The following VAMP1 variants were observed in gnomAD, a reference collection of about 807,000 sequenced individuals.
The protein encoded by VAMP1 is vesicle associated membrane protein 1.
Under a neutral mutation model 19.1 loss-of-function variants are expected in VAMP1, and 16 were observed. The ratio of observed to expected loss-of-function variants is 0.84; its 90% confidence interval spans 0.57 to 1.27. VAMP1 has a LOEUF of 1.27. Among genes scored for constraint, VAMP1 ranks in the 50% most tolerant of loss-of-function variants. The pLI, the probability that VAMP1 is intolerant of heterozygous loss-of-function variation, is 0.00. For missense variants in VAMP1, 109 were observed against 145.4 expected, an observed-to-expected ratio of 0.75 and a Z score of 1.29; for synonymous variants, 37 against 50.2, an observed-to-expected ratio of 0.74 and a Z score of 1.11.
intron 3 of VAMP1, chr12:6,465,312 T>C (rs760609353): frequency 1.9e-4 from 71 of 365,064 alleles, no homozygotes; most frequent in Non-Finnish European, 2.1e-4. Context: ...TATTTAAAAA[T>C]ATATATTTCA....
intron 4 of VAMP1, 65 bp from the exon 5 acceptor site, chr12:6,464,551 G>GA: frequency 6.8e-7 from 1 of 1,465,532 alleles, no homozygotes; most frequent in Non-Finnish European, 9.0e-7. Flanking sequence ...ACAAGAGGGT[G>GA]AATTACACCA....
chr12:6,462,843 C>A lies in VAMP1; in HGVS notation c.*1627G>T. On this transcript the variant is annotated 3_prime_UTR_variant, in exon 5 of 5. Transcript: ENST00000396308. ...TTTCTTCCAGCTCTTCAGTCCCGCC[C>A]TTGGGCAGGACGAAGGGAATGTGGG... 1.2e-6 allele frequency: 2 copies of A among 1,606,634 alleles called. No individual in the cohort carries two copies. The highest frequency in any genetic ancestry group is 1.7e-6 in the Non-Finnish European group (2 of 1,176,474).
intron 1 of VAMP1, among the ~76,000 whole-genome samples, chr12:6,467,981 TG>T (rs1945671095): frequency 6.6e-6 from 1 of 152,262 alleles, no homozygotes; most frequent in Non-Finnish European, 1.5e-5. Context: ...TGGAAACGCC[TG>T]GATGTCCAGG....
intron 2 of VAMP1, 46 bp downstream of exon 2, chr12:6,466,179 A>T: frequency 6.2e-7 from 1 of 1,613,792 alleles, no homozygotes; most frequent in South Asian, 1.1e-5. Context: ...TTTTGTTTCC[A>T]AACTCCTAGA....
At chr12:6,468,970 TA>T (rs1200744451) in intron 1 of VAMP1, among the ~76,000 whole-genome samples, 1 of 152,214 alleles carries the variant, frequency 6.6e-6, no homozygotes, top group East Asian at 1.9e-4. Flanking sequence ...CAAAGTCACC[TA>T]AAAGGAAATT....
Position 6,463,690 on chromosome 12 carries a change from T to G in VAMP1, c.*780A>C. On this transcript the variant is annotated 3_prime_UTR_variant, in exon 5 of 5. Coordinates refer to ENST00000396308, the MANE Select transcript of VAMP1 (RefSeq NM_014231.5). This position sits in a 1 kb window ranked among gnomAD's most constrained non-coding sequence, Gnocchi z 4.0. ...TAGATAAAACTACCAGCTAGATGGA[T>G]TTATTTGGTGCCCTCATACAGAATG... 1 of 1,105,428 alleles carries G rather than the reference T, an allele frequency of 9.0e-7. No individual in the cohort carries two copies. Among genetic ancestry groups the G allele is most frequent in the Non-Finnish European group, 1.1e-6 (1 of 899,568 alleles). The allele number at this position is 1,105,428 out of a possible 1,614,324, so 68.5% of individuals were successfully genotyped here. A position where few individuals can be genotyped will look rare whatever the true frequency, so the allele number is the denominator to read the frequency against.
In VAMP1 at chr12:6,470,585, A is replaced by G. The variant is rs1945748535; in HGVS notation, c.-54T>C. 1 of 1,612,150 alleles carries G rather than the reference A, an allele frequency of 6.2e-7. No individual in the cohort carries two copies. The highest frequency in any genetic ancestry group is 8.5e-7 in the Non-Finnish European group (1 of 1,178,590). ...TCCTCTCCGGAGGCTGCGGCGAGACACCCGGTGAGGGACGCTGCGGCTGAA... is the reference window on the plus strand; with the variant it reads ...TCCTCTCCGGAGGCTGCGGCGAGACGCCCGGTGAGGGACGCTGCGGCTGAA... On this transcript the variant is annotated 5_prime_UTR_variant, in exon 1 of 5. Coordinates refer to ENST00000396308, the MANE Select transcript of VAMP1 (RefSeq NM_014231.5).
Position 6,470,630 on chromosome 12 carries a change from T to C in VAMP1, c.-99A>G, listed in dbSNP as rs113049745. 5,137 of 1,531,456 alleles carry C rather than the reference T, an allele frequency of 3.4e-3. 34 individuals carry two copies. The highest frequency in any genetic ancestry group is 0.017 in the South Asian group (1,470 of 87,884). The allele number at this position is 1,531,456 out of a possible 1,614,324, so 94.9% of individuals were successfully genotyped here. A position where few individuals can be genotyped will look rare whatever the true frequency, so the allele number is the denominator to read the frequency against. ...GCTGAAGTGGACGGAACTGCCAAGC[T>C]CCGCCTCGCGCCGACTACCCCGCGG... On this transcript the variant is annotated 5_prime_UTR_variant, in exon 1 of 5. Coordinates refer to ENST00000396308, the MANE Select transcript of VAMP1 (RefSeq NM_014231.5).
rs1592153259 is a variant in VAMP1 at position 6,470,462 on chromosome 12, G to A, written c.2+68C>T. ...GCTGCATTGCGCCATTTTCCGTCCCGCAGAATCGGGAGCTTGGGGCGAGAG... is the reference window on the plus strand; with the variant it reads ...GCTGCATTGCGCCATTTTCCGTCCCACAGAATCGGGAGCTTGGGGCGAGAG... On this transcript the variant is annotated intron_variant, in intron 1 of 4. Transcript: ENST00000396308. The A allele has an allele frequency of 1.4e-5, 22 of 1,609,570 alleles. No homozygotes were observed. The East Asian group carries it at 4.0e-4, about 29-fold the overall frequency.
At chr12:6,464,760 A>C in intron 4 of VAMP1, 130 bp downstream of exon 4, 1 of 1,533,750 alleles carries the variant, frequency 6.5e-7, no homozygotes, top group Non-Finnish European at 8.7e-7. Flanking sequence ...GAACCAGGTG[A>C]CGATCCCATA....
rs1171966219 is a variant in VAMP1 at position 6,462,860 on chromosome 12, G to C, written c.*1610C>G. 1.9e-6 allele frequency: 3 copies of C among 1,605,196 alleles called. No homozygotes were observed. The highest frequency in any genetic ancestry group is 2.6e-6 in the Non-Finnish European group (3 of 1,175,798). On this transcript the variant is annotated 3_prime_UTR_variant, in exon 5 of 5. Transcript: ENST00000396308. ...GTCCCGCCCTTGGGCAGGACGAAGG[G>C]AATGTGGGAAACAAGGGCGAAAGGA...
intron 1 of VAMP1, among the ~76,000 whole-genome samples, chr12:6,467,904 A>G (rs1289621033): frequency 1.3e-5 from 2 of 152,252 alleles, no homozygotes; most frequent in African/African-American, 4.8e-5. Flanking sequence ...CATGGTGTTG[A>G]GCCTGCAGAT....
chr12:6,470,674 T>C lies in VAMP1; in HGVS notation c.-143A>G. On this transcript the variant is annotated 5_prime_UTR_variant, in exon 1 of 5. Transcript: ENST00000396308. ...CCCGCGGTCTAGCTGCGCTGGAACTTACTGCAGCTGCCGCGCCGGCCTCCG... is the reference window on the plus strand; with the variant it reads ...CCCGCGGTCTAGCTGCGCTGGAACTCACTGCAGCTGCCGCGCCGGCCTCCG... The C allele has an allele frequency of 9.4e-7, 1 of 1,063,758 alleles. No homozygotes were observed. Among genetic ancestry groups the C allele is most frequent in the Non-Finnish European group, 1.4e-6 (1 of 711,178 alleles). The allele number at this position is 1,063,758 out of a possible 1,614,324, so 65.9% of individuals were successfully genotyped here.
chr12:6,468,834 G>C (rs775224086), intron 1 of VAMP1, among the ~76,000 whole-genome samples: 9 of 152,098 alleles, frequency 5.9e-5, no homozygotes, highest in African/African-American at 9.7e-5. Flanking sequence ...CCACAGGCAG[G>C]GGGGAGATCT....
rs1950010648 is a variant in VAMP1, at chr12:6,465,876, T to C, written c.254A>G (p.Lys85Arg). 1 of 1,614,134 alleles carries C rather than the reference T, an allele frequency of 6.2e-7. No homozygotes were observed. The highest frequency in any genetic ancestry group is 1.3e-5 in the African/African-American group (1 of 74,956). Reference protein sequence around the residue: ...GASQFESSAAKLKRKYWWKNC... With the variant: ...GASQFESSAARLKRKYWWKNC... ...TTTCCACCAATACTTCCTCTTTAGC[T>C]TGGCAGCACTGCTCTCAAATTGTGA... is the stretch of plus-strand genomic sequence containing the variant. Residue 85 changes from lysine to arginine, a missense_variant, in exon 3 of 5, where the codon AAG becomes AGG. By Grantham distance (26) the Lys-to-Arg change is conservative. Transcript: ENST00000396308.
intron 1 of VAMP1, among the ~76,000 whole-genome samples, chr12:6,468,986 GACTAATTACAATAGA>G (rs1945701229): frequency 6.6e-6 from 1 of 152,142 alleles, no homozygotes; most frequent in Admixed American, 6.5e-5. Flanking sequence ...GAAATTATTT[GACTAATTACAATAGA>G]ACTAATACCC....
At position 6,465,927 on chromosome 12, in the gene VAMP1, C is replaced by T. The variant is rs748103058; in HGVS notation, c.203G>A (p.Arg68Gln). 19 of 1,614,140 alleles carry T rather than the reference C, an allele frequency of 1.2e-5. No homozygotes were observed. Among genetic ancestry groups the T allele is most frequent in the Non-Finnish European group, 1.5e-5 (18 of 1,180,058 alleles). The change falls in exon 3 of 5, where the codon CGA becomes CAA. Residue 68 changes from arginine (R) to glutamine (Q), a missense_variant. By Grantham distance (43) the Arg-to-Gln change is conservative. Transcript: ENST00000396308. ...TGCTCCTGCCTGCAAGGCATCAGCTCGGTCATCCAGCTCTGACAGCTTCTG... is the reference window on the plus strand; with the variant it reads ...TGCTCCTGCCTGCAAGGCATCAGCTTGGTCATCCAGCTCTGACAGCTTCTG... ...RDQKLSELDDRADALQAGASQ... is the reference protein window; with the variant it reads ...RDQKLSELDDQADALQAGASQ...
chr12:6,469,186 T>C (rs1592151865), intron 1 of VAMP1, among the ~76,000 whole-genome samples: 1 of 152,200 alleles, frequency 6.6e-6, no homozygotes, highest in African/African-American at 2.4e-5. Flanking sequence ...CACAAAGTCA[T>C]GGGAGCCACA....
At chr12:6,465,371 T>TATATAA (rs535321257) in intron 3 of VAMP1, 2 of 113,768 alleles carry the variant, frequency 1.8e-5, no homozygotes, top group African/African-American at 8.0e-5. Context: ...TATATATATA[T>TATATAA]AAATGTATAT....
Sources: gnomAD v4.1 joint callset for allele counts (sites outside exome capture counted in the v4.1 genomes callset) on GRCh38, gnomAD v4.1.1 for gene constraint, Gnocchi (gnomAD v3.1) non-coding constraint, MANE v1.5 for transcripts, NCBI Gene and HGNC (gene_info 2026-07-23, HGNC 2026-07-21) for gene names.